GRIA3: variants seen among roughly 807,000 people sequenced by gnomAD.
GRIA3 encodes the protein glutamate ionotropic receptor AMPA type subunit 3, also known as glutamate receptor 3.
Under a neutral mutation model 63.0 loss-of-function variants are expected in GRIA3, and 3 were observed. The observed-to-expected ratio is 0.05, with a 90% CI of 0.02 to 0.12. GRIA3 has a LOEUF of 0.12. Among genes scored for constraint, GRIA3 ranks in the 10% least tolerant of loss-of-function variants. The pLI is 1.00. For missense variants in GRIA3, 347 were observed against 700.9 expected (o/e 0.50, Z 5.70); for synonymous variants, 274 against 257.9 (o/e 1.06, Z -0.60).
intron 2 of GRIA3, among the ~76,000 whole-genome samples, chrX:123,226,896 A>G (rs1169973153): frequency 9.4e-6 from 1 of 106,051 alleles, no homozygotes; most frequent in Non-Finnish European, 1.9e-5. Flanking sequence ...TGCAACTTCT[A>G]GCTTCCTGTC....
intron 3 of GRIA3, among the ~76,000 whole-genome samples, chrX:123,325,802 C>A (rs759802766): frequency 9.0e-5 from 10 of 111,497 alleles, no homozygotes; most frequent in Non-Finnish European, 1.9e-4. Context: ...TCTCATGTAG[C>A]CACTTGATGC....
chrX:123,190,611 G>C (rs969714779), intron 2 of GRIA3, among the ~76,000 whole-genome samples: 2 of 110,914 alleles, frequency 1.8e-5, no homozygotes, highest in African/African-American at 6.6e-5. Flanking sequence ...CAGCAAGAAG[G>C]GTTTGAAGGA....
At chrX:123,392,197 A>G (rs969728719) in intron 5 of GRIA3, among the ~76,000 whole-genome samples, 1 of 112,045 alleles carries the variant, frequency 8.9e-6, no homozygotes, top group Non-Finnish European at 1.9e-5. Context: ...TAAGCAGGGG[A>G]GCCTTTCCTC....
Position 123,396,032 on chromosome X carries a change from C to T in GRIA3, c.912+903C>T, listed in dbSNP as rs188244485. Reference sequence around the variant, plus strand: ...ATACTCATCCTCACATCCTTCCTCCCTGGCAAGAATAGAATAGGGGATAAC... The same window carrying T: ...ATACTCATCCTCACATCCTTCCTCCTTGGCAAGAATAGAATAGGGGATAAC... On this transcript the variant is annotated intron_variant, in intron 6 of 15. Transcript: ENST00000620443. Among the ~76,000 whole-genome samples the T allele has an allele frequency of 2.0e-3, 213 of 108,830 alleles. 2 individuals are homozygous for T. The highest frequency in any genetic ancestry group is 7.0e-3 in the African/African-American group (208 of 29,924). The allele number at this position is 108,830 out of a possible 115,157, so 94.5% of individuals were successfully genotyped here.
chrX:123,313,553 C>A (rs762081247), intron 3 of GRIA3, among the ~76,000 whole-genome samples: 61 of 111,333 alleles, frequency 5.5e-4, no homozygotes, highest in African/African-American at 2.0e-3. Flanking sequence ...ACTTCCTTCC[C>A]CCTTTTCCTT....
chrX:123,270,919 G>A (rs750140668), intron 3 of GRIA3, among the ~76,000 whole-genome samples: 4 of 112,344 alleles, frequency 3.6e-5, no homozygotes, highest in Non-Finnish European at 3.8e-5. Flanking sequence ...AAAGATACAC[G>A]AAATTTGGAT....
chrX:123,223,898 T>C (rs973678668), intron 2 of GRIA3, among the ~76,000 whole-genome samples: 6 of 112,308 alleles, frequency 5.3e-5, no homozygotes, highest in Non-Finnish European at 9.4e-5. Flanking sequence ...CTTGGTCAAA[T>C]TGCCAAAAGT....
chrX:123,284,235 C>A (rs1302445400), intron 3 of GRIA3, among the ~76,000 whole-genome samples: 1 of 112,093 alleles, frequency 8.9e-6, no homozygotes, highest in Non-Finnish European at 1.9e-5. Flanking sequence ...CACAGAAACC[C>A]CATCTGAAGG....
At chrX:123,236,827 C>T (rs2147273318) in intron 2 of GRIA3, among the ~76,000 whole-genome samples, 1 of 111,823 alleles carries the variant, frequency 8.9e-6, no homozygotes, top group African/African-American at 3.2e-5. Context: ...TCGCTAAATG[C>T]TTACAGTATG....
chrX:123,301,305 ATCTCT>A (rs1196513887), intron 3 of GRIA3, among the ~76,000 whole-genome samples: 1 of 111,157 alleles, frequency 9.0e-6, no homozygotes, highest in African/African-American at 3.3e-5. Context: ...GGGAGTCTAA[ATCTCT>A]TTGAAGGTCT....
rs780639737 is a variant in GRIA3, at chrX:123,227,183, T to C, written c.269-26120T>C. On this transcript the variant is annotated intron_variant, in intron 2 of 15. Coordinates refer to ENST00000620443, the MANE Select transcript of GRIA3 (RefSeq NM_007325.5). Reference sequence around the variant, plus strand: ...TATTTTATGTTGTTCTTGAATCATTTAATGTCACTTAAGGTTACTTCCTTA... The same window carrying C: ...TATTTTATGTTGTTCTTGAATCATTCAATGTCACTTAAGGTTACTTCCTTA... Among the ~76,000 whole-genome samples, 3 of 111,901 alleles carry C rather than the reference T, an allele frequency of 2.7e-5. No individual in the cohort carries two copies. The East Asian group carries it at 8.4e-4, about 31-fold the overall frequency.
chrX:123,398,233 C>A (rs2045424393), intron 6 of GRIA3, among the ~76,000 whole-genome samples: 1 of 111,875 alleles, frequency 8.9e-6, no homozygotes, highest in South Asian at 3.8e-4. Flanking sequence ...TAAGTAAACA[C>A]CAGATCTCTA....
At chrX:123,321,897 C>T (rs2044869924) in intron 3 of GRIA3, among the ~76,000 whole-genome samples, 1 of 111,689 alleles carries the variant, frequency 9.0e-6, no homozygotes. Flanking sequence ...CAGCTCCCTT[C>T]CGGGAGCTCT....
chrX:123,200,878 T>C (rs1927719756), intron 2 of GRIA3, among the ~76,000 whole-genome samples: 1 of 111,559 alleles, frequency 9.0e-6, no homozygotes, highest in Non-Finnish European at 1.9e-5. Flanking sequence ...TTAAAGCACA[T>C]GTTATATAAC....
At chrX:123,359,483 CAG>C (rs1302957429) in intron 5 of GRIA3, among the ~76,000 whole-genome samples, 1 of 111,209 alleles carries the variant, frequency 9.0e-6, no homozygotes, top group Non-Finnish European at 1.9e-5. Flanking sequence ...AGGACACAAA[CAG>C]GGAAGCAAAA....
intron 3 of GRIA3, among the ~76,000 whole-genome samples, chrX:123,306,636 T>A (rs1279270330): frequency 8.9e-6 from 1 of 111,939 alleles, no homozygotes; most frequent in Non-Finnish European, 1.9e-5. Context: ...CTCAGCCAGC[T>A]GAAGATAGGA....
At chrX:123,211,582 T>C (rs1928044245) in intron 2 of GRIA3, among the ~76,000 whole-genome samples, 1 of 111,558 alleles carries the variant, frequency 9.0e-6, no homozygotes, top group African/African-American at 3.3e-5. Flanking sequence ...AAAGAATATA[T>C]GAATTTGAAA....
At chrX:123,395,650 C>T (rs916368000) in intron 6 of GRIA3, among the ~76,000 whole-genome samples, 16 of 111,382 alleles carry the variant, frequency 1.4e-4, no homozygotes, top group African/African-American at 5.2e-4. Flanking sequence ...AATTAAATTA[C>T]CTAGATTGCT....
intron 2 of GRIA3, among the ~76,000 whole-genome samples, chrX:123,251,642 G>A (rs949600375): frequency 9.0e-6 from 1 of 111,296 alleles, no homozygotes; most frequent in Admixed American, 9.5e-5. Context: ...CACCGTGTTA[G>A]CCAGGGTGGT....
Sources: gnomAD v4.1 joint callset for allele counts (sites outside exome capture counted in the v4.1 genomes callset) on GRCh38, gnomAD v4.1.1 for gene constraint, MANE v1.5 for transcripts, NCBI Gene and HGNC (gene_info 2026-07-23, HGNC 2026-07-21) for gene names.